Variants in HFM1 observed in about 807,000 individuals in gnomAD.
HFM1 encodes helicase for meiosis 1.
A neutral mutation model predicts 192.1 loss-of-function variants in HFM1; 169 were observed. That is an observed-to-expected ratio of 0.88 (90% CI 0.78 to 1.00). The LOEUF (loss-of-function observed/expected upper bound fraction) is 1.00. HFM1 is among the 50% of genes least tolerant of loss of function. The probability of loss-of-function intolerance (pLI) is 0.00; values close to 1 mark genes in which losing one functional copy is unlikely to be tolerated. For missense variants in HFM1, 1,661 were observed against 1,668.0 expected (o/e 1.00, Z 0.07); for synonymous variants, 525 against 537.8 (o/e 0.98, Z 0.33).
In HFM1 at chr1:91,379,105, A is replaced by G; in HGVS notation, c.1116T>C (p.Asp372=). Residue 372 remains aspartate (D), a synonymous_variant, in exon 9 of 39, where the codon GAT becomes GAC. Coordinates refer to ENST00000370425, the MANE Select transcript of HFM1 (RefSeq NM_001017975.6). ...TATGGGCATGCTGAATCTCAAATAG[A>G]TCATCCATTACTGTATCTCCAGTAA... The part of the protein sequence containing the change: ...KELTGDTVMD[D]LFEIQHAHII... The G allele has an allele frequency of 6.3e-7, 1 of 1,599,452 alleles. No individual in the cohort carries two copies.
At chr1:91,363,365 C>T (rs371042971) in intron 13 of HFM1, among the ~76,000 whole-genome samples, 2 of 148,276 alleles carry the variant, frequency 1.3e-5, no homozygotes, top group Non-Finnish European at 3.0e-5. Context: ...CATTAAAAAG[C>T]GGGCAATGGA....
chr1:91,288,837 C>A (rs551795945), intron 30 of HFM1, among the ~76,000 whole-genome samples: 10 of 152,248 alleles, frequency 6.6e-5, no homozygotes, highest in African/African-American at 2.4e-4. Flanking sequence ...TCCCCCTTTT[C>A]TATTCAACAA....
At chr1:91,304,841 T>C (rs554893328) in intron 30 of HFM1, among the ~76,000 whole-genome samples, 1 of 152,262 alleles carries the variant, frequency 6.6e-6, no homozygotes, top group South Asian at 2.1e-4. Flanking sequence ...TTTTTGTATA[T>C]GGTATGAGGT....
intron 32 of HFM1, 94 bp from the exon 33 acceptor site, chr1:91,274,903 A>T: frequency 1.7e-6 from 1 of 571,540 alleles, no homozygotes; most frequent in Middle Eastern, 3.4e-4. Context: ...TGGTACATAA[A>T]GTCCCCAAAT....
intron 30 of HFM1, among the ~76,000 whole-genome samples, chr1:91,296,393 G>C (rs183701694): frequency 2.7e-3 from 416 of 152,192 alleles, no homozygotes; most frequent in African/African-American, 9.4e-3. Flanking sequence ...CTATCCTTAT[G>C]CCTACATCAC....
intron 8 of HFM1, among the ~76,000 whole-genome samples, chr1:91,379,793 T>C (rs1661336770): frequency 6.6e-6 from 1 of 152,108 alleles, no homozygotes; most frequent in Non-Finnish European, 1.5e-5. Flanking sequence ...TTTAAATACA[T>C]ACCTAAGAAA....
intron 5 of HFM1, 35 bp downstream of exon 5, chr1:91,385,540 T>C (rs1378417594): frequency 1.3e-6 from 2 of 1,562,748 alleles, no homozygotes; most frequent in Non-Finnish European, 1.8e-6. Flanking sequence ...GTTTAGTCTG[T>C]ACTCATAAAA....
intron 25 of HFM1, among the ~76,000 whole-genome samples, chr1:91,316,879 C>A (rs181742833): frequency 6.6e-6 from 1 of 152,250 alleles, no homozygotes; most frequent in African/African-American, 2.4e-5. Flanking sequence ...GGCTCTCTGA[C>A]CATTTCTGTC....
chr1:91,342,994 G>A (rs1437139449), intron 20 of HFM1, among the ~76,000 whole-genome samples: 3 of 151,958 alleles, frequency 2.0e-5, no homozygotes, highest in Non-Finnish European at 2.9e-5. Flanking sequence ...TTGGGAGCCC[G>A]AGGTGGGCAG....
At chr1:91,377,843 C>A (rs1297655894) in intron 11 of HFM1, 182 bp downstream of exon 11, 5 of 589,784 alleles carry the variant, frequency 8.5e-6, no homozygotes, top group Non-Finnish European at 1.5e-5. Context: ...TTTATTAAAC[C>A]TGATTAACCA....
intron 30 of HFM1, among the ~76,000 whole-genome samples, chr1:91,292,965 T>C (rs1668955663): frequency 6.6e-6 from 1 of 152,106 alleles, no homozygotes; most frequent in Non-Finnish European, 1.5e-5. Context: ...GGATTCCCTA[T>C]TTAATAAATG....
At position 91,261,264 on chromosome 1, in the gene HFM1, A is replaced by G. The variant is rs1665128712; in HGVS notation, c.*26T>C. The G allele has an allele frequency of 1.0e-6, 1 of 985,592 alleles. No homozygotes were observed. Among genetic ancestry groups the G allele is most frequent in the Non-Finnish European group, 1.4e-6 (1 of 715,078 alleles). The allele number at this position is 985,592 out of a possible 1,614,324, so 61.1% of individuals were successfully genotyped here. A position where few individuals can be genotyped will look rare whatever the true frequency, so the allele number is the denominator to read the frequency against. ...ATTAGGTGTCTTTATTCTTTCTCTT[A>G]TCAATATAAAAAGTATTTGTTTGTT... On this transcript the variant is annotated 3_prime_UTR_variant, in exon 39 of 39. Transcript: ENST00000370425.
intron 13 of HFM1, among the ~76,000 whole-genome samples, chr1:91,356,948 T>C (rs927434289): frequency 3.9e-5 from 6 of 152,180 alleles, no homozygotes; most frequent in Middle Eastern, 3.4e-3. Context: ...CATAATGAGA[T>C]TGAAGTAGTA....
At chr1:91,306,787 A>C (rs1279515506) in intron 30 of HFM1, among the ~76,000 whole-genome samples, 19 of 152,112 alleles carry the variant, frequency 1.2e-4, no homozygotes, top group Admixed American at 1.1e-3. Context: ...AATTAAGAAA[A>C]ATTAACAGTG....
chr1:91,305,051 C>A (rs1318582539), intron 30 of HFM1, among the ~76,000 whole-genome samples: 1 of 152,188 alleles, frequency 6.6e-6, no homozygotes, highest in Non-Finnish European at 1.5e-5. Flanking sequence ...ACAGCACCAC[C>A]TTGTCTTAAT....
chr1:91,342,452 T>G (rs1225094128), intron 20 of HFM1, among the ~76,000 whole-genome samples: 2 of 152,184 alleles, frequency 1.3e-5, no homozygotes, highest in African/African-American at 4.8e-5. Context: ...CATCTTTATC[T>G]CCATAGACAC....
intron 23 of HFM1, among the ~76,000 whole-genome samples, chr1:91,321,783 T>C (rs918282877): frequency 1.8e-4 from 28 of 152,168 alleles, no homozygotes; most frequent in African/African-American, 6.3e-4. Context: ...AATAATTAAC[T>C]TTAAAATTTG....
chr1:91,261,482 T>TG, intron 38 of HFM1, 123 bp from the exon 39 acceptor site: 3 of 449,736 alleles, frequency 6.7e-6, no homozygotes, highest in Non-Finnish European at 1.1e-5. Context: ...GAAGTTAATG[T>TG]ATCAAATAAA....
intron 23 of HFM1, among the ~76,000 whole-genome samples, chr1:91,322,398 G>A (rs994358653): frequency 6.6e-6 from 1 of 152,132 alleles, no homozygotes; most frequent in African/African-American, 2.4e-5. Context: ...AGAAAGCCAA[G>A]CACTCAGTAT....
Sources: allele counts gnomAD v4.1 joint callset (sites outside exome capture counted in the v4.1 genomes callset), GRCh38; gene constraint gnomAD v4.1.1; transcripts MANE v1.5; gene names NCBI Gene and HGNC (gene_info 2026-07-23, HGNC 2026-07-21).